The following RPL34 variants were observed in gnomAD, a reference collection of about 807,000 sequenced individuals.
The protein encoded by RPL34 is ribosomal protein L34, also known as large ribosomal subunit protein eL34.
In RPL34, 2 loss-of-function variants were observed where a neutral mutation model predicts 16.3. That is an observed-to-expected ratio of 0.12 (90% CI 0.05 to 0.39). The LOEUF (loss-of-function observed/expected upper bound fraction) is 0.39. Ranked by LOEUF, RPL34 falls within the 10% of genes least tolerant of loss-of-function variation. RPL34 has a pLI of 0.99. For synonymous variants in RPL34, 47 were observed against 48.5 expected (o/e 0.97, Z 0.13); for missense variants, 82 against 148.8 (o/e 0.55, Z 2.33).
intron 4 of RPL34, chr4:108,623,422 G>C (rs1725865700): frequency 1.3e-5 from 2 of 152,138 alleles, no homozygotes; most frequent in African/African-American, 4.8e-5. Context: ...TTGATTGATT[G>C]ATTTTGAGAT....
At chr4:108,628,945 G>A (rs1186126669), downstream of RPL34, among the ~76,000 whole-genome samples, 6 of 152,028 alleles carry the variant, frequency 3.9e-5, no homozygotes, top group Admixed American at 1.3e-4. Context: ...TCAGCCTCCC[G>A]AGTAGCTGGG....
At chr4:108,627,856 C>CAA (rs113128106), downstream of RPL34, among the ~76,000 whole-genome samples, 11 of 117,392 alleles carry the variant, frequency 9.4e-5, no homozygotes, top group Admixed American at 2.6e-4. Flanking sequence ...TGAGACTCCT[C>CAA]AAAAAAAAAA....
chr4:108,625,425 G>A, downstream of RPL34: 2 of 448,652 alleles, frequency 4.5e-6, no homozygotes, highest in Non-Finnish European at 8.1e-6. Flanking sequence ...CTCTCTTGTT[G>A]CCTAGGCTGG....
intron 4 of RPL34, chr4:108,622,862 G>A (rs954679945): frequency 1.4e-4 from 53 of 384,020 alleles, no homozygotes; most frequent in Middle Eastern, 7.0e-4. Flanking sequence ...AGGTGGGTAA[G>A]AAAGTCTCTG....
At chr4:108,624,521 T>C (rs1725917941) in intron 4 of RPL34, among the ~76,000 whole-genome samples, 1 of 152,184 alleles carries the variant, frequency 6.6e-6, no homozygotes, top group Admixed American at 6.5e-5. Flanking sequence ...AATGCACTCC[T>C]AGATGGAGGC....
chr4:108,622,767 A>T (rs764128472), intron 4 of RPL34, 149 bp downstream of exon 4: 6 of 495,794 alleles, frequency 1.2e-5, no homozygotes, highest in African/African-American at 2.0e-5. Context: ...ATGCTGCACA[A>T]AGCAGGAAAT....
chr4:108,621,776 G>C, intron 1 of RPL34, 175 bp from the exon 2 acceptor site: 1 of 559,612 alleles, frequency 1.8e-6, no homozygotes, highest in Non-Finnish European at 3.2e-6. Flanking sequence ...TTGGCCTCTT[G>C]TTTATCAGTC....
intron 4 of RPL34, 126 bp downstream of exon 4, chr4:108,622,744 C>A: frequency 1.8e-6 from 1 of 554,084 alleles, no homozygotes; most frequent in Non-Finnish European, 3.2e-6. Flanking sequence ...CCTTTCTTTG[C>A]TATGGATAAT....
chr4:108,623,514 A>G (rs995772795), intron 4 of RPL34, among the ~76,000 whole-genome samples: 3 of 152,132 alleles, frequency 2.0e-5, no homozygotes, highest in Non-Finnish European at 4.4e-5. Context: ...GGTTCAAGCA[A>G]TTCTTCTGCC....
downstream of RPL34, among the ~76,000 whole-genome samples, chr4:108,626,005 T>G (rs1725987493): frequency 6.6e-6 from 1 of 152,194 alleles, no homozygotes; most frequent in Non-Finnish European, 1.5e-5. Context: ...CTTGGAGAGC[T>G]CAGAACTCCT....
chr4:108,626,615 T>G (rs549668385), downstream of RPL34, among the ~76,000 whole-genome samples: 51 of 152,064 alleles, frequency 3.4e-4, no homozygotes, highest in Non-Finnish European at 6.3e-4. Flanking sequence ...ATTTTTGTAT[T>G]TTTAGTAGAG....
chr4:108,628,679 T>C (rs1401866434), downstream of RPL34, among the ~76,000 whole-genome samples: 4 of 152,296 alleles, frequency 2.6e-5, no homozygotes, highest in African/African-American at 9.6e-5. Context: ...TTGAGAAATG[T>C]AAGGAAGTTA....
At position 108,622,101 on chromosome 4, in the gene RPL34, C is replaced by T. The variant is rs919211181; in HGVS notation, c.66-4C>T. ...GCTGACCTACTGACTGTTTCACTTT[C>T]TAGGTCCCGAACCCCTGGTAATAGA... On this transcript the variant is annotated splice_region_variant and splice_polypyrimidine_tract_variant and intron_variant, in intron 2 of 4. Transcript: ENST00000394667. The T allele has an allele frequency of 9.3e-6, 15 of 1,610,864 alleles. No individual in the cohort carries two copies. Among genetic ancestry groups the T allele is most frequent in the Non-Finnish European group, 1.3e-5 (15 of 1,177,008 alleles).
chr4:108,623,508 C>T, intron 4 of RPL34, among the ~76,000 whole-genome samples: 1 of 152,196 alleles, frequency 6.6e-6, no homozygotes, highest in East Asian at 1.9e-4. Flanking sequence ...CTCCCGGGTT[C>T]AAGCAATTCT....
At chr4:108,627,523 G>A (rs1726054854), downstream of RPL34, among the ~76,000 whole-genome samples, 1 of 152,142 alleles carries the variant, frequency 6.6e-6, no homozygotes, top group Non-Finnish European at 1.5e-5. Context: ...CAGAAGAGGA[G>A]TCACAGAACT....
intron 4 of RPL34, chr4:108,622,848 C>G: frequency 2.5e-6 from 1 of 402,494 alleles, no homozygotes; most frequent in Non-Finnish European, 4.4e-6. Context: ...TGGTTTTGTT[C>G]AGGAGGTGGG....
rs377516242 is a variant in RPL34, at chr4:108,622,120, T to A, written c.81T>A (p.Gly27=). The A allele has an allele frequency of 1.2e-6, 2 of 1,613,638 alleles. No homozygotes were observed. Among genetic ancestry groups the A allele is most frequent in the African/African-American group, 1.3e-5 (1 of 74,924 alleles). Residue 27 remains glycine, a synonymous_variant, in exon 3 of 5, where the codon GGT becomes GGA. Transcript: ENST00000394667. ...SNKTRLSRTP[G]NRIVYLYTKK... Reference sequence around the variant, plus strand: ...CACTTTCTAGGTCCCGAACCCCTGGTAATAGAATTGTTTACCTTTATACCA... The same window carrying A: ...CACTTTCTAGGTCCCGAACCCCTGGAAATAGAATTGTTTACCTTTATACCA...
intron 1 of RPL34, 28 bp downstream of exon 1, chr4:108,620,628 C>G (rs562671268): frequency 7.0e-5 from 19 of 270,622 alleles, no homozygotes; most frequent in Admixed American, 4.4e-4. Context: ...TTTTCCCTGT[C>G]TTTATTTCCT....
intron 1 of RPL34, 112 bp from the exon 2 acceptor site, chr4:108,621,839 G>A: frequency 2.8e-6 from 2 of 711,202 alleles, no homozygotes; most frequent in Admixed American, 2.3e-5. Context: ...TTAATTTAAG[G>A]GTGTTACATA....
Sources: allele counts gnomAD v4.1 joint callset (sites outside exome capture counted in the v4.1 genomes callset), GRCh38; gene constraint gnomAD v4.1.1; transcripts MANE v1.5; gene names NCBI Gene and HGNC (gene_info 2026-07-23, HGNC 2026-07-21).